The following MAGI2 variants were observed in gnomAD, a reference collection of about 807,000 sequenced individuals.
The protein encoded by MAGI2 is membrane associated guanylate kinase, WW and PDZ domain containing 2, also known as membrane-associated guanylate kinase, WW and PDZ domain-containing protein 2.
A neutral mutation model predicts 133.3 loss-of-function variants in MAGI2; 35 were observed. The ratio of observed to expected loss-of-function variants is 0.26; its 90% confidence interval spans 0.20 to 0.35. MAGI2 has a LOEUF of 0.35. Ranked by LOEUF, MAGI2 falls within the 10% of genes least tolerant of loss-of-function variation. The pLI is 1.00. For synonymous variants in MAGI2, 729 were observed against 710.6 expected, an observed-to-expected ratio of 1.03 and a Z score of -0.41; for missense variants, 1,636 against 1,863.4, an observed-to-expected ratio of 0.88 and a Z score of 2.25.
At chr7:78,556,172 A>C (rs866400249) in intron 3 of MAGI2, among the ~76,000 whole-genome samples, 17 of 152,338 alleles carry the variant, frequency 1.1e-4, no homozygotes, top group South Asian at 8.3e-4. Flanking sequence ...GAGGCACAGA[A>C]GATAATAATC....
At chr7:78,356,242 A>G (rs1051134756) in intron 7 of MAGI2, among the ~76,000 whole-genome samples, 10 of 152,194 alleles carry the variant, frequency 6.6e-5, no homozygotes, top group Non-Finnish European at 8.8e-5. Context: ...GAGGTAGTCA[A>G]CAATAACAAA....
intron 9 of MAGI2, among the ~76,000 whole-genome samples, chr7:78,272,188 A>G (rs185992606): frequency 6.6e-6 from 1 of 152,114 alleles, no homozygotes; most frequent in African/African-American, 2.4e-5. Context: ...TTCTGCCTTC[A>G]TTTCGTTATT....
chr7:79,448,898 C>A (rs990295600), intron 1 of MAGI2, among the ~76,000 whole-genome samples: 1 of 152,028 alleles, frequency 6.6e-6, no homozygotes, highest in African/African-American at 2.4e-5. Flanking sequence ...CGAGGTCATA[C>A]CATTTAAATT....
chr7:78,270,920 T>C (rs1448009088), intron 9 of MAGI2, among the ~76,000 whole-genome samples: 1 of 152,212 alleles, frequency 6.6e-6, no homozygotes, highest in Middle Eastern at 3.2e-3. Flanking sequence ...CAGTGATAAT[T>C]TGACTTCCTC....
chr7:78,261,919 G>A (rs1793555683), intron 9 of MAGI2, among the ~76,000 whole-genome samples: 1 of 152,114 alleles, frequency 6.6e-6, no homozygotes, highest in Non-Finnish European at 1.5e-5. Flanking sequence ...TTGGGGGTGT[G>A]CTACTCACCA....
At chr7:78,974,700 A>T (rs975563535) in intron 2 of MAGI2, among the ~76,000 whole-genome samples, 3 of 151,788 alleles carry the variant, frequency 2.0e-5, no homozygotes, top group African/African-American at 7.2e-5. Flanking sequence ...TATAGTGTAC[A>T]ATATGCTCAC....
At chr7:79,411,845 T>G (rs933689736) in intron 1 of MAGI2, 1 of 151,946 alleles carries the variant, frequency 6.6e-6, no homozygotes, top group Non-Finnish European at 1.5e-5. Context: ...TAAATACCTA[T>G]TGACATGAAA....
At chr7:78,532,946 CTTTT>C (rs371827779) in intron 3 of MAGI2, among the ~76,000 whole-genome samples, 1 of 145,586 alleles carries the variant, frequency 6.9e-6, no homozygotes, top group Admixed American at 6.9e-5. Context: ...TCAACTAATT[CTTTT>C]TTTTTTTTTG....
chr7:79,389,456 A>T (rs1365171141), intron 1 of MAGI2, among the ~76,000 whole-genome samples: 1 of 152,108 alleles, frequency 6.6e-6, no homozygotes, highest in African/African-American at 2.4e-5. Context: ...TCATACTGGC[A>T]TTTATGGTGC....
At chr7:78,892,359 C>T (rs1272742924) in intron 2 of MAGI2, among the ~76,000 whole-genome samples, 1 of 152,136 alleles carries the variant, frequency 6.6e-6, no homozygotes, top group African/African-American at 2.4e-5. Flanking sequence ...TGACTTTCTT[C>T]ACAGAATTGG....
intron 1 of MAGI2, among the ~76,000 whole-genome samples, chr7:79,440,560 C>T (rs1848431575): frequency 6.6e-6 from 1 of 151,870 alleles, no homozygotes. Flanking sequence ...ATGTATTCTC[C>T]AAGATTACTC....
At chr7:78,917,798 A>G (rs1798918021) in intron 2 of MAGI2, among the ~76,000 whole-genome samples, 1 of 152,124 alleles carries the variant, frequency 6.6e-6, no homozygotes, top group South Asian at 2.1e-4. Flanking sequence ...GGTTCACAGA[A>G]CTCAGAAAAG....
intron 20 of MAGI2, among the ~76,000 whole-genome samples, chr7:78,095,722 T>C (rs922387359): frequency 6.6e-6 from 1 of 152,234 alleles, no homozygotes; most frequent in Non-Finnish European, 1.5e-5. Context: ...TTAAAAATTC[T>C]GTTATCCCAA....
At chr7:78,881,192 G>T (rs1192431231) in intron 2 of MAGI2, among the ~76,000 whole-genome samples, 2 of 151,996 alleles carry the variant, frequency 1.3e-5, no homozygotes, top group African/African-American at 4.8e-5. Context: ...AGAAATTCTG[G>T]ACTTAAATTT....
chr7:79,260,347 C>T (rs188502449), intron 1 of MAGI2, among the ~76,000 whole-genome samples: 1 of 151,276 alleles, frequency 6.6e-6, no homozygotes, highest in Non-Finnish European at 1.5e-5. Context: ...CACAGTGAGA[C>T]CCCCATCTCT....
intron 3 of MAGI2, chr7:78,616,497 T>G (rs1807110165): frequency 6.6e-6 from 1 of 152,146 alleles, no homozygotes. Flanking sequence ...TGTACTGTTT[T>G]GAGTTTTAGC....
chr7:78,952,466 C>A (rs567204888), intron 2 of MAGI2, among the ~76,000 whole-genome samples: 20 of 152,166 alleles, frequency 1.3e-4, no homozygotes, highest in African/African-American at 3.6e-4. Context: ...TTAATTCATT[C>A]ATTCATTTAT....
chr7:79,393,075 A>G (rs1844784980), intron 1 of MAGI2, among the ~76,000 whole-genome samples: 1 of 152,212 alleles, frequency 6.6e-6, no homozygotes, highest in South Asian at 2.1e-4. Context: ...CTCCACTAGT[A>G]TCTATTTGCA....
At chr7:78,278,189 A>C (rs1167054423) in intron 9 of MAGI2, among the ~76,000 whole-genome samples, 1 of 152,078 alleles carries the variant, frequency 6.6e-6, no homozygotes, top group Non-Finnish European at 1.5e-5. Context: ...AACACACAAC[A>C]ACCAAACGTG....
Sources: allele counts gnomAD v4.1 joint callset (sites outside exome capture counted in the v4.1 genomes callset), GRCh38; gene constraint gnomAD v4.1.1; transcripts MANE v1.5; gene names NCBI Gene and HGNC (gene_info 2026-07-23, HGNC 2026-07-21).